Variants in THADA observed in about 807,000 individuals in gnomAD.
THADA encodes the protein tRNA (32-2'-O)-methyltransferase regulator THADA.
THADA carries 213 observed loss-of-function variants against 219.8 expected under a neutral mutation model. The observed-to-expected ratio is 0.97, with a 90% CI of 0.87 to 1.09. THADA has a LOEUF of 1.09. THADA is among the 50% of genes least tolerant of loss of function. The pLI is 0.00. For synonymous variants in THADA, 1,018 were observed against 828.9 expected, an observed-to-expected ratio of 1.23 and a Z score of -3.92; for missense variants, 2,956 against 2,311.3, an observed-to-expected ratio of 1.28 and a Z score of -5.72.
intron 31 of THADA, among the ~76,000 whole-genome samples, chr2:43,314,840 A>G (rs1327472586): frequency 6.6e-6 from 1 of 152,238 alleles, no homozygotes; most frequent in Non-Finnish European, 1.5e-5. Context: ...TGTGGGTTTA[A>G]AACTCAAAAC....
intron 1 of THADA, among the ~76,000 whole-genome samples, chr2:43,594,646 A>G (rs1056004154): frequency 3.9e-5 from 6 of 152,188 alleles, no homozygotes; most frequent in African/African-American, 1.2e-4. Context: ...AAGGCCCTAA[A>G]TAATCTGACC....
chr2:43,547,426 T>C (rs1696175908), intron 20 of THADA, among the ~76,000 whole-genome samples: 1 of 152,230 alleles, frequency 6.6e-6, no homozygotes, highest in Non-Finnish European at 1.5e-5. Flanking sequence ...CCTTGCTAGA[T>C]TGGGGAAGTT....
intron 36 of THADA, among the ~76,000 whole-genome samples, chr2:43,238,372 G>A (rs1668283450): frequency 6.6e-6 from 1 of 152,082 alleles, no homozygotes; most frequent in South Asian, 2.1e-4. Flanking sequence ...CACATGAAAA[G>A]ATGCTTAGCA....
intron 31 of THADA, among the ~76,000 whole-genome samples, chr2:43,297,923 C>T (rs1303776146): frequency 9.6e-6 from 1 of 104,176 alleles, no homozygotes; most frequent in Non-Finnish European, 1.9e-5. Flanking sequence ...CCCCTCTGCC[C>T]GGCCAGCCGC....
At chr2:43,456,862 C>T (rs970300802) in intron 26 of THADA, among the ~76,000 whole-genome samples, 8 of 152,062 alleles carry the variant, frequency 5.3e-5, no homozygotes, top group Admixed American at 2.6e-4. Flanking sequence ...TAAGAGTACA[C>T]CAGAGAACAT....
intron 36 of THADA, among the ~76,000 whole-genome samples, chr2:43,271,851 G>A (rs1572860099): frequency 6.6e-6 from 1 of 152,174 alleles, no homozygotes. Context: ...CTGACCTCAG[G>A]TGATCCACTT....
At chr2:43,579,706 G>C (rs1054704805) in intron 8 of THADA, among the ~76,000 whole-genome samples, 1 of 152,196 alleles carries the variant, frequency 6.6e-6, no homozygotes, top group Admixed American at 6.5e-5. Context: ...CAAAAGTAAA[G>C]ACGCAACTGG....
At chr2:43,231,894 A>G (rs988019429) in intron 37 of THADA, among the ~76,000 whole-genome samples, 9 of 152,188 alleles carry the variant, frequency 5.9e-5, no homozygotes, top group Admixed American at 2.0e-4. Flanking sequence ...GGATGCCAAG[A>G]AGGCCAGCTG....
At chr2:43,476,957 T>A (rs530384220) in intron 26 of THADA, among the ~76,000 whole-genome samples, 1 of 152,238 alleles carries the variant, frequency 6.6e-6, no homozygotes. Flanking sequence ...TCTACAATTA[T>A]GAAATTTTCC....
chr2:43,360,621 C>T (rs1425196010), intron 29 of THADA, among the ~76,000 whole-genome samples: 1 of 152,214 alleles, frequency 6.6e-6, no homozygotes, highest in Non-Finnish European at 1.5e-5. Flanking sequence ...TGAAACCATT[C>T]CCAGGAACTG....
At chr2:43,401,671 A>C (rs1000361919) in intron 28 of THADA, among the ~76,000 whole-genome samples, 6 of 152,208 alleles carry the variant, frequency 3.9e-5, no homozygotes, top group African/African-American at 1.4e-4. Flanking sequence ...TGATCTCTTT[A>C]CTATGCAACA....
intron 36 of THADA, among the ~76,000 whole-genome samples, chr2:43,237,448 A>G (rs1439072476): frequency 7.3e-6 from 1 of 136,868 alleles, no homozygotes; most frequent in Admixed American, 8.0e-5. Context: ...CCCAGGCTGG[A>G]GTGCAGTGGC....
chr2:43,556,480 TCA>T lies in THADA; in HGVS notation c.2537_2538del (p.Val846AspfsTer30). The T allele has an allele frequency of 6.2e-7, 1 of 1,613,902 alleles. No individual in the cohort carries two copies. The highest frequency in any genetic ancestry group is 8.5e-7 in the Non-Finnish European group (1 of 1,179,846). ...LSTSTKPYDC[V>X]TASYLLNFLI... ...AAGAAGTTCAGCAGGTAGGAAGCTGTCACACAGTCGTATGGTTTGGTGCTTGT... is the reference window on the plus strand; with the variant it reads ...AAGAAGTTCAGCAGGTAGGAAGCTGTCACAGTCGTATGGTTTGGTGCTTGT... On this transcript the variant is annotated frameshift_variant, in exon 17 of 38. Coordinates refer to ENST00000405975, the MANE Select transcript of THADA (RefSeq NM_022065.5). LOFTEE classifies it high-confidence loss of function.
intron 30 of THADA, among the ~76,000 whole-genome samples, chr2:43,326,287 G>A (rs752727867): frequency 2.0e-4 from 30 of 152,274 alleles, no homozygotes; most frequent in Admixed American, 8.5e-4. Context: ...TGTTTGTCTG[G>A]GTGAGTCAGG....
intron 36 of THADA, among the ~76,000 whole-genome samples, chr2:43,263,688 T>C (rs973314675): frequency 2.0e-5 from 3 of 152,214 alleles, no homozygotes; most frequent in Admixed American, 1.3e-4. Context: ...TGATGCAACA[T>C]GGAACTGAGG....
At position 43,534,216 on chromosome 2, in the gene THADA, C is replaced by T. The variant is rs906098530; in HGVS notation, c.3265-6228G>A. 4.6e-5 allele frequency among the ~76,000 whole-genome samples: 7 copies of T among 151,846 alleles called. No individual in the cohort carries two copies. The South Asian group carries it at 6.2e-4, about 14-fold the overall frequency. ...TCTTTTTCATTGACAAATAATTATCCATATTTATGGGGTACACAGTAATGT... is the reference window on the plus strand; with the variant it reads ...TCTTTTTCATTGACAAATAATTATCTATATTTATGGGGTACACAGTAATGT... On this transcript the variant is annotated intron_variant, in intron 21 of 37. Transcript: ENST00000405975.
In THADA at chr2:43,231,258, A is replaced by T; in HGVS notation, c.5552T>A (p.Leu1851His). The T allele has an allele frequency of 6.2e-7, 1 of 1,611,420 alleles. No homozygotes were observed. Among genetic ancestry groups the T allele is most frequent in the Non-Finnish European group, 8.5e-7 (1 of 1,179,088 alleles). The change falls in exon 38 of 38, where the codon CTC becomes CAC. Residue 1851 changes from leucine to histidine, a missense_variant. Coordinates refer to ENST00000405975, the MANE Select transcript of THADA (RefSeq NM_022065.5). ...GCCGGACTTTGAGAGGAGACAGAAG[A>T]GGTGCTTGCAGAGGTATTTCACAAA... ...LIFVKYLCKHLFCLLSKSGWR... is the reference protein window; with the variant it reads ...LIFVKYLCKHHFCLLSKSGWR...
At chr2:43,522,497 T>C (rs1196143181) in intron 22 of THADA, among the ~76,000 whole-genome samples, 1 of 152,214 alleles carries the variant, frequency 6.6e-6, no homozygotes, top group Non-Finnish European at 1.5e-5. Context: ...TAGCTGGTTC[T>C]CTCAATTATT....
At chr2:43,444,547 C>T (rs1681269745) in intron 26 of THADA, among the ~76,000 whole-genome samples, 1 of 152,164 alleles carries the variant, frequency 6.6e-6, no homozygotes, top group African/African-American at 2.4e-5. Context: ...TCCAATCTGC[C>T]ATCTAACAGC....
Sources: allele counts gnomAD v4.1 joint callset (sites outside exome capture counted in the v4.1 genomes callset), GRCh38; gene constraint gnomAD v4.1.1; transcripts MANE v1.5; gene names NCBI Gene and HGNC (gene_info 2026-07-23, HGNC 2026-07-21).